The following ACACB variants were observed in gnomAD, a reference collection of about 807,000 sequenced individuals.
ACACB encodes acetyl-CoA carboxylase 2.
A neutral mutation model predicts 278.8 loss-of-function variants in ACACB; 209 were observed. The ratio of observed to expected loss-of-function variants is 0.75; its 90% CI spans 0.67 to 0.84. The LOEUF (loss-of-function observed/expected upper bound fraction) is 0.84. Among genes scored for constraint, ACACB ranks in the 40% least tolerant of loss-of-function variants. The pLI is 0.00. For synonymous variants in ACACB, 1,174 were observed against 1,285.6 expected (o/e 0.91, Z 1.86); for missense variants, 2,850 against 3,269.0 (o/e 0.87, Z 3.13).
intron 7 of ACACB, 90 bp from the exon 8 acceptor site, chr12:109,175,841 C>T: frequency 9.1e-7 from 1 of 1,095,998 alleles, no homozygotes; most frequent in South Asian, 1.3e-5. Flanking sequence ...AGGTCTAGCA[C>T]TATGTCAGCA....
At chr12:109,210,244 T>TATATACACACATGTGTGTGTATGTAC (rs2045740150) in intron 21 of ACACB, among the ~76,000 whole-genome samples, 2 of 31,954 alleles carry the variant, frequency 6.3e-5, no homozygotes, top group Non-Finnish European at 9.9e-5. Context: ...TATATATGTA[T>TATATACACACATGTGTGTGTATGTAC]ATATACACAC....
At chr12:109,227,805 G>A (rs2046356113) in intron 28 of ACACB, among the ~76,000 whole-genome samples, 1 of 152,216 alleles carries the variant, frequency 6.6e-6, no homozygotes. Flanking sequence ...GGCCGAGGCG[G>A]GCAGATCACT....
In ACACB at chr12:109,266,330, C is replaced by G. The variant is rs1210304724; in HGVS notation, c.7345C>G (p.Leu2449Val). The change falls in exon 53 of 53, where the codon CTG becomes GTG. Residue 2449 changes from leucine to valine, a missense_variant. Physicochemically the swap from Leu to Val is conservative, Grantham distance 32 (BLOSUM62 1). Around this residue, in one of 3 missense-constraint regions of ACACB, gnomAD observed 579 missense variants for 684.6 expected, o/e 0.85. Coordinates refer to ENST00000338432, the MANE Select transcript of ACACB (RefSeq NM_001093.4). ...TGAGCGGGCGCAGGTCGTTCACCTG[C>G]TGTCTACCATGGACAGCCCGGCCTC... Reference protein sequence around the residue: ...PAERAQVVHLLSTMDSPAST With the variant: ...PAERAQVVHLVSTMDSPAST 6.2e-7 allele frequency: 1 copy of G among 1,612,652 alleles called. No individual in the cohort carries two copies. Among genetic ancestry groups the G allele is most frequent in the African/African-American group, 1.3e-5 (1 of 74,926 alleles).
intron 6 of ACACB, among the ~76,000 whole-genome samples, chr12:109,173,795 C>A (rs1376097737): frequency 6.6e-6 from 1 of 152,222 alleles, no homozygotes; most frequent in Non-Finnish European, 1.5e-5. Flanking sequence ...AGTTTGCTAA[C>A]CTATGGTCCA....
Position 109,206,428 on chromosome 12 carries a change from C to CAAAAA in ACACB, c.2914-270_2914-266dup, listed in dbSNP as rs35315851. ...CAGCCTGGGGACAATGCGAGTGTCTCAAAAAAAAAAAAAAAACAGATCTCA... is the reference window on the plus strand; with the variant it reads ...CAGCCTGGGGACAATGCGAGTGTCTCAAAAAAAAAAAAAAAAAAAAACAGATCTCA... On this transcript the variant is annotated intron_variant, in intron 19 of 52. Coordinates refer to ENST00000338432, the MANE Select transcript of ACACB (RefSeq NM_001093.4). Among the ~76,000 whole-genome samples the CAAAAA allele has an allele frequency of 2.7e-3, 243 of 89,754 alleles. 9 individuals carry two copies. Among genetic ancestry groups the CAAAAA allele is most frequent in the African/African-American group, 0.011 (222 of 19,664 alleles). The allele number at this position is 89,754 out of a possible 152,430, so 58.9% of individuals were successfully genotyped here.
chr12:109,240,988 A>G, intron 35 of ACACB, 90 bp from the exon 36 acceptor site: 1 of 1,331,258 alleles, frequency 7.5e-7, no homozygotes, highest in Non-Finnish European at 1.1e-6. Context: ...TGCAGTCAGT[A>G]TATCTCATCC....
intron 2 of ACACB, among the ~76,000 whole-genome samples, chr12:109,140,273 TC>T (rs1256494264): frequency 4.4e-4 from 11 of 25,216 alleles, no homozygotes; most frequent in Admixed American, 4.2e-3. Flanking sequence ...CTTCCTTCTT[TC>T]CTTCCTTCCT....
intron 22 of ACACB, among the ~76,000 whole-genome samples, chr12:109,215,109 A>T (rs891077259): frequency 3.3e-5 from 5 of 152,040 alleles, no homozygotes; most frequent in African/African-American, 9.7e-5. Context: ...AAAAAGAAAA[A>T]AAAAAAGGGA....
At chr12:109,214,126 G>T (rs2045926318) in intron 22 of ACACB, among the ~76,000 whole-genome samples, 1 of 152,026 alleles carries the variant, frequency 6.6e-6, no homozygotes, top group African/African-American at 2.4e-5. Flanking sequence ...GTCGGGGATG[G>T]TGGTGTGTAC....
intron 2 of ACACB, among the ~76,000 whole-genome samples, chr12:109,165,258 G>A (rs1214531939): frequency 6.6e-6 from 1 of 152,206 alleles, no homozygotes; most frequent in Non-Finnish European, 1.5e-5. Flanking sequence ...CAATGGTGAT[G>A]TAGGGGCCTA....
chr12:109,255,346 G>A (rs2047198231), intron 44 of ACACB, among the ~76,000 whole-genome samples: 1 of 152,212 alleles, frequency 6.6e-6, no homozygotes, highest in African/African-American at 2.4e-5. Flanking sequence ...CAGGAGAGGT[G>A]ACCCTCGGGA....
At chr12:109,222,108 G>A (rs1239340285) in intron 24 of ACACB, among the ~76,000 whole-genome samples, 1 of 151,846 alleles carries the variant, frequency 6.6e-6, no homozygotes, top group Non-Finnish European at 1.5e-5. Context: ...GCCCAGGCTG[G>A]TCTCAAACTC....
chr12:109,131,478 A>G (rs1048262213), intron 1 of ACACB: 2 of 152,728 alleles, frequency 1.3e-5, no homozygotes, highest in Admixed American at 1.3e-4. Context: ...GAAAAATCCA[A>G]GCATGGATGG....
At position 109,139,525 on chromosome 12, in the gene ACACB, C is replaced by T. The variant is rs527664804; in HGVS notation, c.120C>T (p.Asn40=). 8 of 1,614,136 alleles carry T rather than the reference C, an allele frequency of 5.0e-6. No individual in the cohort carries two copies. The South Asian group carries it at 7.7e-5, about 16-fold the overall frequency. ...KPITKSKSEA[N]LIPSQEPFPA... Reference sequence around the variant, plus strand: ...TCACCAAGAGTAAATCAGAAGCAAACCTCATCCCGAGCCAGGAGCCCTTTC... The same window carrying T: ...TCACCAAGAGTAAATCAGAAGCAAATCTCATCCCGAGCCAGGAGCCCTTTC... The change falls in exon 2 of 53, where the codon AAC becomes AAT. Residue 40 remains asparagine (N), a synonymous_variant. Coordinates refer to ENST00000338432, the MANE Select transcript of ACACB (RefSeq NM_001093.4).
At chr12:109,184,776 G>A (rs1377776287) in intron 11 of ACACB, among the ~76,000 whole-genome samples, 1 of 150,110 alleles carries the variant, frequency 6.7e-6, no homozygotes, top group African/African-American at 2.5e-5. Flanking sequence ...GTGCAATCAC[G>A]ACTCACTACA....
At chr12:109,223,239 T>C (rs1290781484) in intron 26 of ACACB, among the ~76,000 whole-genome samples, 1 of 152,160 alleles carries the variant, frequency 6.6e-6, no homozygotes, top group Admixed American at 6.5e-5. Context: ...CGGCCTCATC[T>C]TCCCTATTCC....
At chr12:109,113,998 G>T (rs79412362), upstream of ACACB, among the ~76,000 whole-genome samples, 952 of 150,220 alleles carry the variant, frequency 6.3e-3, 5 homozygotes, top group South Asian at 0.012. Flanking sequence ...TCTTTTTTTT[G>T]CGATAGAGTC....
In ACACB at chr12:109,201,697, A is replaced by G; in HGVS notation, c.2909A>G (p.His970Arg). The G allele has an allele frequency of 6.2e-7, 1 of 1,613,658 alleles. No homozygotes were observed. The highest frequency in any genetic ancestry group is 8.5e-7 in the Non-Finnish European group (1 of 1,179,882). ...GAGCTCGATGACCCTTCTAAAGTCC[A>G]CCCGGTATGTGGCTCCACGGCCCAA... ...RLELDDPSKV[H>R]PAEPFTGELP... is the part of the protein sequence containing the mutation. The change falls in exon 19 of 53, where the codon CAC becomes CGC. Residue 970 changes from histidine to arginine, a missense_variant. By Grantham distance (29) the His-to-Arg change is conservative. Transcript: ENST00000338432.
chr12:109,208,829 TGAAAA>T (rs1161003420), intron 20 of ACACB, among the ~76,000 whole-genome samples: 1 of 152,142 alleles, frequency 6.6e-6, no homozygotes, highest in African/African-American at 2.4e-5. Context: ...AATGATAACA[TGAAAA>T]GAAAGTTCCT....
Sources: gnomAD v4.1 joint callset for allele counts (sites outside exome capture counted in the v4.1 genomes callset) on GRCh38, gnomAD v4.1.1 for gene constraint, gnomAD v4.1.1 regional missense constraint, MANE v1.5 for transcripts, NCBI Gene and HGNC (gene_info 2026-07-23, HGNC 2026-07-21) for gene names.